Variants in TENT5D observed in about 807,000 individuals in gnomAD.
The protein encoded by TENT5D is cancer/testis antigen 112.
For synonymous variants in TENT5D, 103 were observed against 100.6 expected (o/e 1.02, Z -0.15); for missense variants, 191 against 287.0 (o/e 0.67, Z 2.42).
At chrX:80,411,231 A>T (rs1345153400) in intron 3 of TENT5D, among the ~76,000 whole-genome samples, 1 of 109,994 alleles carries the variant, frequency 9.1e-6, no homozygotes, top group Non-Finnish European at 1.9e-5. Flanking sequence ...GTACCCTAAA[A>T]CTTAAAGTAT....
At chrX:80,408,223 C>G (rs1418411478) in intron 3 of TENT5D, among the ~76,000 whole-genome samples, 2 of 104,097 alleles carry the variant, frequency 1.9e-5, no homozygotes, top group South Asian at 9.2e-4. Flanking sequence ...CATTCAAAAG[C>G]TAGCAGAAGG....
rs1432587949 is a variant in TENT5D, at chrX:80,357,401, C to T, written c.-142+14837C>T. 2.2e-3 allele frequency among the ~76,000 whole-genome samples: 239 copies of T among 108,385 alleles called. 2 individuals carry two copies. Among genetic ancestry groups the T allele is most frequent in the Non-Finnish European group, 2.6e-3 (137 of 52,245 alleles). 94.1% of individuals were successfully genotyped at this position (108,385 alleles called of 115,157 possible). A position where few individuals can be genotyped will look rare whatever the true frequency, so the allele number is the denominator to read the frequency against. Reference sequence around the variant, plus strand: ...CAACAGTGTAAAAGTGTTCCTATTTCTCCACATCCTCTCCAGCACCTGTTG... The same window carrying T: ...CAACAGTGTAAAAGTGTTCCTATTTTTCCACATCCTCTCCAGCACCTGTTG... On this transcript the variant is annotated intron_variant, in intron 3 of 4. Transcript: ENST00000538312.
intron 1 of TENT5D, among the ~76,000 whole-genome samples, chrX:80,425,752 G>T: frequency 8.9e-6 from 1 of 111,961 alleles, no homozygotes; most frequent in South Asian, 3.7e-4. Flanking sequence ...CTGAAGGCTG[G>T]GCACAGTGGC....
chrX:80,381,471 T>G (rs1004187770), intron 3 of TENT5D, among the ~76,000 whole-genome samples: 6 of 111,048 alleles, frequency 5.4e-5, no homozygotes, highest in African/African-American at 1.3e-4. Flanking sequence ...CTTTGTGGTG[T>G]TCTCTGTATT....
intron 3 of TENT5D, among the ~76,000 whole-genome samples, chrX:80,378,517 G>A (rs1385661810): frequency 9.2e-6 from 1 of 108,799 alleles, no homozygotes. Flanking sequence ...TTTTTGTCAG[G>A]ACCATTATTA....
chrX:80,385,211 T>C (rs1275544642), intron 3 of TENT5D, among the ~76,000 whole-genome samples: 1 of 111,595 alleles, frequency 9.0e-6, no homozygotes, highest in Non-Finnish European at 1.9e-5. Flanking sequence ...ATGGTACTGG[T>C]ATCAAAACAG....
intron 3 of TENT5D, among the ~76,000 whole-genome samples, chrX:80,372,743 C>T (rs369212535): frequency 1.8e-5 from 2 of 109,262 alleles, no homozygotes; most frequent in East Asian, 2.9e-4. Flanking sequence ...AAAAACTATC[C>T]GAGCGTGGTG....
chrX:80,406,090 A>T (rs1306847327), intron 3 of TENT5D, among the ~76,000 whole-genome samples: 2 of 109,463 alleles, frequency 1.8e-5, no homozygotes, highest in African/African-American at 3.3e-5. Flanking sequence ...CACACCAAAA[A>T]CCCATCTGTA....
intron 3 of TENT5D, among the ~76,000 whole-genome samples, chrX:80,355,204 A>G (rs758172267): frequency 2.7e-5 from 3 of 111,921 alleles, no homozygotes; most frequent in Non-Finnish European, 5.6e-5. Context: ...TTCCGCCTGC[A>G]AAAGCACTTT....
At chrX:80,416,998 A>G (rs920615268), upstream of TENT5D, among the ~76,000 whole-genome samples, 1 of 111,691 alleles carries the variant, frequency 9.0e-6, no homozygotes, top group East Asian at 2.8e-4. Flanking sequence ...TTGGGTGCAT[A>G]TATCTTTAGA....
At chrX:80,374,350 T>C (rs372380376) in intron 3 of TENT5D, among the ~76,000 whole-genome samples, 2 of 111,528 alleles carry the variant, frequency 1.8e-5, no homozygotes, top group East Asian at 2.8e-4. Context: ...GGATATATAC[T>C]CAGTAATGGG....
At chrX:80,421,224 T>C (rs2147559630) in intron 1 of TENT5D, among the ~76,000 whole-genome samples, 1 of 111,833 alleles carries the variant, frequency 8.9e-6, no homozygotes, top group South Asian at 3.8e-4. Flanking sequence ...TCTCACTCTG[T>C]CACTAGGCTA....
chrX:80,343,774 T>G (rs983086974), intron 3 of TENT5D, among the ~76,000 whole-genome samples: 1 of 111,922 alleles, frequency 8.9e-6, no homozygotes, highest in African/African-American at 3.2e-5. Flanking sequence ...CTTTGTATAC[T>G]TTTAATGGTT....
rs963443294 is a variant in TENT5D, at chrX:80,400,686, G to A, written c.-141-37924G>A. 5.4e-5 allele frequency among the ~76,000 whole-genome samples: 6 copies of A among 111,762 alleles called. No individual in the cohort carries two copies. The Admixed American group carries it at 5.7e-4, about 11-fold the overall frequency. On this transcript the variant is annotated intron_variant, in intron 3 of 4. Transcript: ENST00000538312. ...TTTGTGTTTGTGATTTTCTGGATTT[G>A]ATGTTAGGGATTTTTAGACTCTAAG... is the stretch of plus-strand genomic sequence containing the variant.
At chrX:80,430,046 C>A (rs1054032579) in intron 1 of TENT5D, among the ~76,000 whole-genome samples, 3 of 108,739 alleles carry the variant, frequency 2.8e-5, no homozygotes, top group Non-Finnish European at 5.7e-5. Context: ...TCTCTGTTGA[C>A]TGGCTATAGG....
intron 1 of TENT5D, among the ~76,000 whole-genome samples, chrX:80,434,679 A>C (rs892917034): frequency 9.0e-6 from 1 of 111,259 alleles, no homozygotes. Flanking sequence ...TTTTAGCATT[A>C]TCTATAGTAA....
At chrX:80,435,277 AC>A (rs1473253027) in intron 1 of TENT5D, among the ~76,000 whole-genome samples, 4 of 112,266 alleles carry the variant, frequency 3.6e-5, no homozygotes, top group African/African-American at 9.7e-5. Context: ...GCTTAATCTT[AC>A]TATGACTTCC....
At chrX:80,439,258 C>T (rs979429209) in intron 2 of TENT5D, among the ~76,000 whole-genome samples, 2 of 111,338 alleles carry the variant, frequency 1.8e-5, no homozygotes, top group Non-Finnish European at 3.8e-5. Flanking sequence ...GAAAATGTAG[C>T]TTTATAATTC....
At chrX:80,357,536 G>GT (rs1247126778) in intron 3 of TENT5D, among the ~76,000 whole-genome samples, 4 of 110,995 alleles carry the variant, frequency 3.6e-5, no homozygotes, top group African/African-American at 1.3e-4. Context: ...TTTTTCATGT[G>GT]TTTTTTGGCC....
Sources: gnomAD v4.1 joint callset for allele counts (sites outside exome capture counted in the v4.1 genomes callset) on GRCh38, gnomAD v4.1.1 for gene constraint, MANE v1.5 for transcripts, NCBI Gene and HGNC (gene_info 2026-07-23, HGNC 2026-07-21) for gene names.